Variants in TIAM1 observed in about 807,000 individuals in gnomAD.
The protein encoded by TIAM1 is rho guanine nucleotide exchange factor TIAM1.
TIAM1 carries 65 observed loss-of-function variants against 163.5 expected under a neutral mutation model. That is an observed-to-expected ratio of 0.40 (90% CI 0.33 to 0.49). The LOEUF is 0.49. TIAM1 is among the 20% of genes least tolerant of loss of function. The probability of loss-of-function intolerance (pLI) is 0.77; values close to 1 mark genes in which losing one functional copy is unlikely to be tolerated. For synonymous variants in TIAM1, 833 were observed against 810.1 expected (o/e 1.03, Z -0.48); for missense variants, 1,789 against 2,044.7 (o/e 0.87, Z 2.41).
chr21:31,133,664 C>T (rs1029150683), intron 23 of TIAM1, among the ~76,000 whole-genome samples: 1 of 152,252 alleles, frequency 6.6e-6, no homozygotes, highest in Non-Finnish European at 1.5e-5. Context: ...TGTGGTGCAG[C>T]TGCTGATCCA....
At chr21:31,510,232 G>A (rs1226359137) in intron 1 of TIAM1, among the ~76,000 whole-genome samples, 1 of 152,204 alleles carries the variant, frequency 6.6e-6, no homozygotes, top group East Asian at 1.9e-4. Flanking sequence ...GGTTTCTCCT[G>A]AGGCCTCTCC....
intron 5 of TIAM1, 116 bp downstream of exon 5, chr21:31,251,626 T>A (rs1435159303): frequency 1.8e-6 from 2 of 1,097,544 alleles, no homozygotes; most frequent in Non-Finnish European, 2.6e-6. Flanking sequence ...ATTAGTATGA[T>A]TTTCAAATTC....
intron 6 of TIAM1, among the ~76,000 whole-genome samples, chr21:31,236,848 C>G (rs373996750): frequency 6.6e-6 from 1 of 152,088 alleles, no homozygotes; most frequent in Non-Finnish European, 1.5e-5. Flanking sequence ...CGCCTGGGCA[C>G]GCTTACAAGT....
chr21:31,219,529 C>T (rs1045892052), intron 8 of TIAM1, among the ~76,000 whole-genome samples: 41 of 152,166 alleles, frequency 2.7e-4, no homozygotes, highest in South Asian at 2.1e-4. Context: ...TTGGAAGGCA[C>T]GCCCCTCTGG....
At chr21:31,381,837 T>TA (rs1209125169) in intron 2 of TIAM1, among the ~76,000 whole-genome samples, 1 of 151,816 alleles carries the variant, frequency 6.6e-6, no homozygotes, top group Non-Finnish European at 1.5e-5. Flanking sequence ...GTCTCAAAAA[T>TA]AAAAAACAAA....
intron 15 of TIAM1, among the ~76,000 whole-genome samples, chr21:31,165,488 G>C (rs575713332): frequency 6.6e-6 from 1 of 152,028 alleles, no homozygotes; most frequent in Non-Finnish European, 1.5e-5. Context: ...TACCATGTAA[G>C]GACACAGTAA....
intron 2 of TIAM1, among the ~76,000 whole-genome samples, chr21:31,337,723 G>T (rs1389511777): frequency 6.6e-6 from 1 of 151,748 alleles, no homozygotes; most frequent in Non-Finnish European, 1.5e-5. Flanking sequence ...TAGAGACAGG[G>T]TTTCACCATG....
intron 16 of TIAM1, among the ~76,000 whole-genome samples, chr21:31,155,207 T>G (rs2083561142): frequency 6.6e-6 from 1 of 152,192 alleles, no homozygotes; most frequent in South Asian, 2.1e-4. Context: ...GATTCTAAAA[T>G]TCCAACTCTT....
intron 2 of TIAM1, among the ~76,000 whole-genome samples, chr21:31,398,953 C>A (rs2077119406): frequency 6.6e-6 from 1 of 152,138 alleles, no homozygotes; most frequent in Non-Finnish European, 1.5e-5. Context: ...AGGCTGGCAG[C>A]TCACCTGAGG....
chr21:31,481,712 T>C (rs913814288), intron 1 of TIAM1, among the ~76,000 whole-genome samples: 3 of 152,122 alleles, frequency 2.0e-5, no homozygotes, highest in Non-Finnish European at 2.9e-5. Context: ...GGCAATGTGT[T>C]GGGGAGAGCA....
intron 10 of TIAM1, among the ~76,000 whole-genome samples, chr21:31,212,070 A>G (rs1032305781): frequency 6.6e-6 from 1 of 152,200 alleles, no homozygotes; most frequent in African/African-American, 2.4e-5. Flanking sequence ...CAAAAACTGA[A>G]TTTCTTCAAA....
intron 1 of TIAM1, among the ~76,000 whole-genome samples, chr21:31,550,004 G>A (rs1601070390): frequency 6.6e-6 from 1 of 152,146 alleles, no homozygotes; most frequent in East Asian, 1.9e-4. Flanking sequence ...TGCATCTGTG[G>A]TCTCAGCTAC....
intron 1 of TIAM1, among the ~76,000 whole-genome samples, chr21:31,537,973 A>T (rs144886443): frequency 6.6e-6 from 1 of 152,366 alleles, no homozygotes; most frequent in Non-Finnish European, 1.5e-5. Context: ...CAAACATAAC[A>T]GTGAACGAAA....
chr21:31,322,199 G>T (rs944937672), intron 2 of TIAM1, among the ~76,000 whole-genome samples: 6 of 152,014 alleles, frequency 3.9e-5, no homozygotes, highest in African/African-American at 1.5e-4. Flanking sequence ...GAATATGCAT[G>T]ATTATCTAAG....
chr21:31,462,011 C>T (rs570147479), intron 2 of TIAM1, among the ~76,000 whole-genome samples: 2 of 152,340 alleles, frequency 1.3e-5, no homozygotes, highest in Admixed American at 6.5e-5. Context: ...ACAAACTTCA[C>T]ATTCACATGT....
At chr21:31,450,771 C>T (rs1357752149) in intron 2 of TIAM1, among the ~76,000 whole-genome samples, 2 of 152,132 alleles carry the variant, frequency 1.3e-5, no homozygotes, top group African/African-American at 4.8e-5. Context: ...AGAATGAGAG[C>T]CAAGCGGAAA....
chr21:31,265,166 G>A (rs1309258943), intron 4 of TIAM1, among the ~76,000 whole-genome samples: 2 of 150,004 alleles, frequency 1.3e-5, no homozygotes, highest in African/African-American at 2.5e-5. Context: ...CTAAGGTAAT[G>A]GTGCCTCCAT....
intron 2 of TIAM1, among the ~76,000 whole-genome samples, chr21:31,286,380 ATGGT>A (rs2073809880): frequency 6.6e-6 from 1 of 152,132 alleles, no homozygotes; most frequent in Admixed American, 6.5e-5. Context: ...TCTGGGCAAC[ATGGT>A]AAGACCTCAT....
chr21:31,538,999 A>G (rs1487707273), intron 1 of TIAM1, among the ~76,000 whole-genome samples: 1 of 152,162 alleles, frequency 6.6e-6, no homozygotes, highest in Admixed American at 6.5e-5. Context: ...TGGGAAACCC[A>G]GGAGGCCTCT....
Sources: allele counts gnomAD v4.1 joint callset (sites outside exome capture counted in the v4.1 genomes callset), GRCh38; gene constraint gnomAD v4.1.1; transcripts MANE v1.5; gene names NCBI Gene and HGNC (gene_info 2026-07-23, HGNC 2026-07-21).